Variants in SLIT1 observed in about 807,000 individuals in gnomAD.
The protein encoded by SLIT1 is slit guidance ligand 1, also known as slit homolog 1 protein.
SLIT1 carries 66 observed loss-of-function variants against 186.1 expected under a neutral mutation model. That is an observed-to-expected ratio of 0.35 (90% CI 0.29 to 0.44). SLIT1 has a LOEUF of 0.44. Ranked by LOEUF, SLIT1 falls within the 20% of genes least tolerant of loss-of-function variation. The probability of loss-of-function intolerance (pLI) is 1.00; values close to 1 mark genes in which losing one functional copy is unlikely to be tolerated. For synonymous variants in SLIT1, 761 were observed against 833.8 expected (o/e 0.91, Z 1.50); for missense variants, 1,638 against 2,037.4 (o/e 0.80, Z 3.77).
chr10:97,059,210 ACAGCT>A (rs1848868435), intron 11 of SLIT1, among the ~76,000 whole-genome samples: 1 of 152,232 alleles, frequency 6.6e-6, no homozygotes, highest in African/African-American at 2.4e-5. Flanking sequence ...GCCAGGGGCA[ACAGCT>A]CTGCCTAGCT....
intron 25 of SLIT1, among the ~76,000 whole-genome samples, chr10:97,023,571 G>A (rs1164282397): frequency 6.6e-6 from 1 of 152,118 alleles, no homozygotes; most frequent in African/African-American, 2.4e-5. Context: ...CCAATCTGAT[G>A]GGCAAGCTCA....
At chr10:97,005,647 C>T (rs113830174) in intron 32 of SLIT1, among the ~76,000 whole-genome samples, 1 of 152,300 alleles carries the variant, frequency 6.6e-6, no homozygotes, top group African/African-American at 2.4e-5. Context: ...AGGATGTGCC[C>T]GAGGCAATGG....
chr10:97,024,758 G>A (rs1245748348), intron 25 of SLIT1, among the ~76,000 whole-genome samples: 2 of 152,226 alleles, frequency 1.3e-5, no homozygotes, highest in African/African-American at 4.8e-5. Context: ...TATAGCACAT[G>A]ATAAGGAGTG....
chr10:97,021,868 T>G lies in SLIT1; in HGVS notation c.2583-455A>C, dbSNP rs1848505208. ...GTGAGCCACCGTGCCTGGCTGCCAG[T>G]GCTGTTTTAAGCACTGCATATGCAT... is the stretch of plus-strand genomic sequence containing the variant. On this transcript the variant is annotated intron_variant, in intron 25 of 36. Transcript: ENST00000266058. The surrounding 1 kb of genome is among the most constrained non-coding windows in gnomAD (Gnocchi z 4.5). Among the ~76,000 whole-genome samples the G allele has an allele frequency of 6.6e-6, 1 of 152,182 alleles. No homozygotes were observed. Among genetic ancestry groups the G allele is most frequent in the South Asian group, 2.1e-4 (1 of 4,830 alleles).
intron 22 of SLIT1, among the ~76,000 whole-genome samples, chr10:97,036,228 C>T (rs1054493031): frequency 6.6e-6 from 1 of 152,178 alleles, no homozygotes; most frequent in African/African-American, 2.4e-5. Flanking sequence ...CATTTAAGTG[C>T]TCTACTGAAT....
In SLIT1 at chr10:97,064,803, A is replaced by G; in HGVS notation, c.557+2T>C. 6.2e-7 allele frequency: 1 copy of G among 1,605,186 alleles called. No homozygotes were observed. The highest frequency in any genetic ancestry group is 8.5e-7 in the Non-Finnish European group (1 of 1,175,538). On this transcript the variant is annotated splice_donor_variant, in intron 6 of 36. Coordinates refer to ENST00000266058, the MANE Select transcript of SLIT1 (RefSeq NM_003061.3). LOFTEE classifies it high-confidence loss of function. ...CTCCTTCCTTTTCCATGCTTTACTTACAGCACCTCCAGCCCCCGCAGAGCA... is the reference window on the plus strand; with the variant it reads ...CTCCTTCCTTTTCCATGCTTTACTTGCAGCACCTCCAGCCCCCGCAGAGCA...
intron 23 of SLIT1, among the ~76,000 whole-genome samples, chr10:97,033,548 G>A (rs551711377): frequency 9.2e-5 from 14 of 152,228 alleles, no homozygotes; most frequent in East Asian, 5.8e-4. Context: ...AGTGTGGCCC[G>A]TTCCTCCAAA....
intron 3 of SLIT1, among the ~76,000 whole-genome samples, chr10:97,159,020 C>CA (rs1307320460): frequency 3.9e-5 from 6 of 152,060 alleles, no homozygotes; most frequent in African/African-American, 1.4e-4. Flanking sequence ...GTCATCTCTA[C>CA]AAAAAATACA....
intron 4 of SLIT1, among the ~76,000 whole-genome samples, chr10:97,141,222 G>A (rs1849754317): frequency 6.6e-6 from 1 of 152,176 alleles, no homozygotes; most frequent in African/African-American, 2.4e-5. Context: ...CCCTTCAGCA[G>A]CCAGCTCGTG....
At chr10:97,168,479 G>A (rs928089412) in intron 1 of SLIT1, among the ~76,000 whole-genome samples, 1 of 152,198 alleles carries the variant, frequency 6.6e-6, no homozygotes, top group African/African-American at 2.4e-5. Flanking sequence ...CATTTTGCAA[G>A]GTTCTGAAGA....
intron 4 of SLIT1, among the ~76,000 whole-genome samples, chr10:97,111,764 A>G (rs954498344): frequency 1.3e-5 from 2 of 152,170 alleles, no homozygotes; most frequent in Non-Finnish European, 2.9e-5. Context: ...ACTCGTTTCC[A>G]TGAACACACA....
chr10:97,106,307 A>C (rs1013106831), intron 4 of SLIT1, among the ~76,000 whole-genome samples: 2 of 152,250 alleles, frequency 1.3e-5, no homozygotes, highest in Non-Finnish European at 2.9e-5. Flanking sequence ...TGCTGTAAAC[A>C]TCTTGGGACA....
chr10:97,034,202 G>A (rs1385909882), intron 23 of SLIT1, among the ~76,000 whole-genome samples: 6 of 152,088 alleles, frequency 3.9e-5, no homozygotes, highest in Non-Finnish European at 8.8e-5. Flanking sequence ...CTACATGTGT[G>A]CTAGCTTTAT....
intron 31 of SLIT1, among the ~76,000 whole-genome samples, chr10:97,007,674 A>G (rs1311528582): frequency 2.0e-5 from 3 of 152,182 alleles, no homozygotes; most frequent in Non-Finnish European, 4.4e-5. Context: ...ATATTGATAG[A>G]TGAAAAAGCA....
Position 97,056,324 on chromosome 10 carries a change from G to C in SLIT1, c.1298C>G (p.Thr433Ser). Residue 433 changes from threonine to serine, a missense_variant, in exon 13 of 37, where the codon ACT (threonine) becomes AGT (serine). Around this residue, in one of 3 missense-constraint regions of SLIT1, gnomAD observed 1,245 missense variants for 1,535.3 expected, o/e 0.81. Transcript: ENST00000266058. ...GTFTSLRAIQ[T>S]LHLAQNPFIC... ...AAGAAGGCATCAGGGCACTCACAGAGTCTGGATGGCCCGCAGGGAGGTGAA... is the reference window on the plus strand; with the variant it reads ...AAGAAGGCATCAGGGCACTCACAGACTCTGGATGGCCCGCAGGGAGGTGAA... The C allele has an allele frequency of 6.2e-7, 1 of 1,614,168 alleles. No homozygotes were observed. Among genetic ancestry groups the C allele is most frequent in the East Asian group, 2.2e-5 (1 of 44,894 alleles).
At chr10:97,079,098 G>A (rs564137624) in intron 4 of SLIT1, among the ~76,000 whole-genome samples, 60 of 152,340 alleles carry the variant, frequency 3.9e-4, no homozygotes, top group African/African-American at 1.3e-3. Context: ...GTGACCTTGG[G>A]CAAGTTACTT....
At chr10:97,106,641 G>GTT (rs202142134) in intron 4 of SLIT1, among the ~76,000 whole-genome samples, 41,969 of 146,984 alleles carry the variant, frequency 0.29, 6,376 homozygotes, top group African/African-American at 0.42. Flanking sequence ...AATTAAAGTT[G>GTT]TTTTTTTTTT....
At chr10:97,171,393 A>G (rs569806661) in intron 1 of SLIT1, among the ~76,000 whole-genome samples, 2 of 152,082 alleles carry the variant, frequency 1.3e-5, no homozygotes, top group African/African-American at 4.8e-5. Context: ...GGCTCCCCAC[A>G]TTCACCTTGG....
intron 7 of SLIT1, 105 bp downstream of exon 7, chr10:97,064,063 A>G: frequency 1.1e-6 from 1 of 926,882 alleles, no homozygotes; most frequent in Non-Finnish European, 1.7e-6. Context: ...CTGAGGGAGA[A>G]TGAGCTCCAT....
Sources: gnomAD v4.1 joint callset for allele counts (sites outside exome capture counted in the v4.1 genomes callset) on GRCh38, gnomAD v4.1.1 for gene constraint, gnomAD v4.1.1 regional missense constraint, Gnocchi (gnomAD v3.1) non-coding constraint, MANE v1.5 for transcripts, NCBI Gene and HGNC (gene_info 2026-07-23, HGNC 2026-07-21) for gene names.